Variants in MTUS1 observed in about 807,000 individuals in gnomAD.
MTUS1 encodes microtubule-associated tumor suppressor 1.
MTUS1 carries 109 observed loss-of-function variants against 120.8 expected under a neutral mutation model. The observed-to-expected ratio is 0.90, with a 90% CI of 0.77 to 1.06. The LOEUF is 1.06. Ranked by LOEUF, MTUS1 falls within the 50% of genes least tolerant of loss-of-function variation. The pLI, the probability that MTUS1 is intolerant of heterozygous loss-of-function variation, is 0.00. For missense variants in MTUS1, 2,210 were observed against 1,486.3 expected, an observed-to-expected ratio of 1.49 and a Z score of -8.01; for synonymous variants, 737 against 550.5, an observed-to-expected ratio of 1.34 and a Z score of -4.74.
chr8:17,713,264 A>G lies in MTUS1; in HGVS notation c.2585-12T>C, dbSNP rs1465675729. On this transcript the variant is annotated splice_polypyrimidine_tract_variant and intron_variant, in intron 5 of 14. Coordinates refer to ENST00000693296, the MANE Select transcript of MTUS1 (RefSeq NM_001363059.2). ...TTTTCTCGAAGGACCTAAGATATAA[A>G]AGAAACATGTAAAATACATATGTTT... is the stretch of plus-strand genomic sequence containing the variant. The G allele has an allele frequency of 2.7e-6, 4 of 1,475,090 alleles. No homozygotes were observed. Among genetic ancestry groups the G allele is most frequent in the Non-Finnish European group, 3.8e-6 (4 of 1,057,604 alleles). 91.4% of individuals were successfully genotyped at this position (1,475,090 alleles called of 1,614,324 possible). A position where few individuals can be genotyped will look rare whatever the true frequency, so the allele number is the denominator to read the frequency against.
chr8:17,693,184 C>G lies in MTUS1; in HGVS notation c.2624-8642G>C, dbSNP rs574609472. 4 of 152,266 alleles carry G rather than the reference C, an allele frequency of 2.6e-5. No homozygotes were observed. The East Asian group carries it at 7.7e-4, about 29-fold the overall frequency. The allele number at this position is 152,266 out of a possible 1,614,324, so 9.4% of individuals were successfully genotyped here. ...CCACTAACTCATTATAAAAATAGAA[C>G]TAATATGTTGAGGTAGAATTCCGAA... is the stretch of plus-strand genomic sequence containing the variant. On this transcript the variant is annotated intron_variant, in intron 6 of 14. Coordinates refer to ENST00000693296, the MANE Select transcript of MTUS1 (RefSeq NM_001363059.2).
chr8:17,689,957 A>T (rs1816626306), intron 6 of MTUS1, among the ~76,000 whole-genome samples: 1 of 152,186 alleles, frequency 6.6e-6, no homozygotes. Context: ...TCTTCACAAC[A>T]TTGGCCGACG....
intron 8 of MTUS1, among the ~76,000 whole-genome samples, chr8:17,673,955 G>A (rs187960856): frequency 6.6e-6 from 1 of 152,226 alleles, no homozygotes; most frequent in East Asian, 1.9e-4. Flanking sequence ...CAACATACCT[G>A]GGCATATTTT....
At chr8:17,667,124 G>A (rs1056056032) in intron 8 of MTUS1, among the ~76,000 whole-genome samples, 10 of 152,202 alleles carry the variant, frequency 6.6e-5, no homozygotes, top group African/African-American at 2.4e-4. Context: ...TGGTAAAACT[G>A]CATATCTGCA....
intron 7 of MTUS1, chr8:17,675,952 G>A: frequency 4.2e-6 from 1 of 240,210 alleles, no homozygotes; most frequent in Non-Finnish European, 8.0e-6. Flanking sequence ...CAAGTTACCA[G>A]CAACTCCCGG....
chr8:17,683,174 A>C (rs1814971091), intron 7 of MTUS1, among the ~76,000 whole-genome samples: 1 of 152,158 alleles, frequency 6.6e-6, no homozygotes, highest in Non-Finnish European at 1.5e-5. Context: ...CGGGAGGCTG[A>C]GGCAGGAGAA....
chr8:17,723,647 G>C (rs767137293), intron 4 of MTUS1, 25 bp downstream of exon 4: 1 of 1,597,928 alleles, frequency 6.3e-7, no homozygotes, highest in Non-Finnish European at 8.6e-7. Context: ...CACAACCCCC[G>C]AAGTGTGATA....
intron 1 of MTUS1, among the ~76,000 whole-genome samples, chr8:17,791,130 C>T (rs1423967850): frequency 6.6e-6 from 1 of 152,164 alleles, no homozygotes. Flanking sequence ...AGTCCAGTCC[C>T]AGTTCCATAA....
intron 1 of MTUS1, among the ~76,000 whole-genome samples, chr8:17,756,987 G>A (rs999020779): frequency 6.6e-6 from 1 of 152,142 alleles, no homozygotes; most frequent in Non-Finnish European, 1.5e-5. Context: ...AATTTGTTAT[G>A]GTGGCCGAAG....
At chr8:17,651,988 T>C (rs1162042191) in intron 12 of MTUS1, among the ~76,000 whole-genome samples, 1 of 152,212 alleles carries the variant, frequency 6.6e-6, no homozygotes, top group Non-Finnish European at 1.5e-5. Flanking sequence ...TCATCTAATG[T>C]TATCAAATAG....
At position 17,753,702 on chromosome 8, in the gene MTUS1, A is replaced by C. The variant is rs1388026442; in HGVS notation, c.2091+15T>G. ...GTTCTCTGAAGCATGCAAAAAATAT[A>C]TATATATTACTTACCAAAAACAGAG... On this transcript the variant is annotated intron_variant, in intron 2 of 14. Coordinates refer to ENST00000693296, the MANE Select transcript of MTUS1 (RefSeq NM_001363059.2). The C allele has an allele frequency of 6.6e-7, 1 of 1,514,022 alleles. No individual in the cohort carries two copies. Among genetic ancestry groups the C allele is most frequent in the Non-Finnish European group, 8.9e-7 (1 of 1,121,634 alleles). 93.8% of individuals were successfully genotyped at this position (1,514,022 alleles called of 1,614,324 possible).
chr8:17,796,844 C>A (rs984350966), intron 1 of MTUS1, among the ~76,000 whole-genome samples: 1 of 152,032 alleles, frequency 6.6e-6, no homozygotes, highest in South Asian at 2.1e-4. Context: ...CCAGACACAG[C>A]GGCTCACGCT....
At chr8:17,746,569 GACTT>G (rs2047766700) in intron 2 of MTUS1, among the ~76,000 whole-genome samples, 1 of 152,052 alleles carries the variant, frequency 6.6e-6, no homozygotes, top group African/African-American at 2.4e-5. Context: ...GATCTCATGA[GACTT>G]ACTCACTACC....
intron 4 of MTUS1, among the ~76,000 whole-genome samples, chr8:17,722,804 A>G (rs955701605): frequency 3.9e-5 from 6 of 152,166 alleles, no homozygotes; most frequent in African/African-American, 1.2e-4. Flanking sequence ...TGGACATCCT[A>G]AAGTACTGCT....
At chr8:17,649,546 A>G (rs1208785889) in intron 13 of MTUS1, among the ~76,000 whole-genome samples, 1 of 152,200 alleles carries the variant, frequency 6.6e-6, no homozygotes, top group Non-Finnish European at 1.5e-5. Context: ...AGATATTTAA[A>G]CATTTTTCTT....
chr8:17,777,606 C>G (rs1016896447), intron 1 of MTUS1, among the ~76,000 whole-genome samples: 2 of 152,056 alleles, frequency 1.3e-5, no homozygotes, highest in African/African-American at 4.8e-5. Context: ...CCAAGGGGAG[C>G]AGAAATGAAA....
intron 6 of MTUS1, among the ~76,000 whole-genome samples, chr8:17,703,480 A>G (rs11780718): frequency 0.48 from 72,149 of 151,614 alleles, 18,099 homozygotes; most frequent in Middle Eastern, 0.64. Context: ...AGAAATGTAA[A>G]AACTTTGCCT....
intron 1 of MTUS1, among the ~76,000 whole-genome samples, chr8:17,798,442 C>A (rs1021995134): frequency 7.9e-5 from 12 of 152,020 alleles, no homozygotes; most frequent in African/African-American, 2.9e-4. Context: ...AAGCGCTTCT[C>A]CTGCCTCAGC....
intron 10 of MTUS1, 26 bp from the exon 11 acceptor site, chr8:17,653,524 A>C (rs901170926): frequency 6.6e-7 from 1 of 1,524,800 alleles, no homozygotes; most frequent in Non-Finnish European, 9.1e-7. Context: ...GATATTTTTG[A>C]GGCAATAACA....
Sources: allele counts gnomAD v4.1 joint callset (sites outside exome capture counted in the v4.1 genomes callset), GRCh38; gene constraint gnomAD v4.1.1; transcripts MANE v1.5; gene names NCBI Gene and HGNC (gene_info 2026-07-23, HGNC 2026-07-21).